MPZL3: variants seen among roughly 807,000 people sequenced by gnomAD.
The protein encoded by MPZL3 is myelin protein zero-like protein 3.
In MPZL3, 23 loss-of-function variants were observed where a neutral mutation model predicts 24.8. The ratio of observed to expected loss-of-function variants is 0.93; its 90% CI spans 0.67 to 1.31. The LOEUF (loss-of-function observed/expected upper bound fraction) is 1.31, where lower values mean the gene tolerates loss of function less well. MPZL3 is among the 40% of genes most tolerant of loss of function. The pLI is 0.00. For synonymous variants in MPZL3, 99 were observed against 106.5 expected (o/e 0.93, Z 0.44); for missense variants, 277 against 294.9 (o/e 0.94, Z 0.44).
intron 5 of MPZL3, among the ~76,000 whole-genome samples, chr11:118,231,919 C>A (rs760164654): frequency 1.1e-4 from 16 of 152,106 alleles, no homozygotes; most frequent in Non-Finnish European, 1.6e-4. Flanking sequence ...TGCTCGTTAC[C>A]ACCCATTCTC....
chr11:118,227,345 A>C lies in MPZL3; in HGVS notation c.*2549T>G. 1 of 152,232 alleles carries C rather than the reference A, an allele frequency of 6.6e-6. No individual in the cohort carries two copies. Among genetic ancestry groups the C allele is most frequent in the East Asian group, 1.9e-4 (1 of 5,202 alleles). The allele number at this position is 152,232 out of a possible 1,614,324, so 9.4% of individuals were successfully genotyped here. On this transcript the variant is annotated 3_prime_UTR_variant, in exon 6 of 6. Coordinates refer to ENST00000278949, the MANE Select transcript of MPZL3 (RefSeq NM_198275.3). ...CTCATGAGGTAGCAAAAAGAGAGAG[A>C]GAATAGCACCTTAGAAGTTACTCAA...
At chr11:118,250,416 G>A (rs1008380704) in intron 1 of MPZL3, among the ~76,000 whole-genome samples, 1 of 151,950 alleles carries the variant, frequency 6.6e-6, no homozygotes, top group Non-Finnish European at 1.5e-5. Context: ...GATTGTTAAT[G>A]GGTATCAAGT....
At chr11:118,248,693 T>A (rs945280989) in intron 1 of MPZL3, among the ~76,000 whole-genome samples, 2 of 152,298 alleles carry the variant, frequency 1.3e-5, no homozygotes, top group South Asian at 4.1e-4. Context: ...TACAGTCTTA[T>A]ATAAAACTCT....
At chr11:118,250,837 G>A (rs537865564) in intron 1 of MPZL3, among the ~76,000 whole-genome samples, 11 of 151,878 alleles carry the variant, frequency 7.2e-5, no homozygotes, top group Admixed American at 2.0e-4. Flanking sequence ...CAGCTGCCTC[G>A]GTCTCCCAAA....
chr11:118,231,981 T>C (rs1271792916), intron 5 of MPZL3, among the ~76,000 whole-genome samples: 1 of 152,220 alleles, frequency 6.6e-6, no homozygotes, highest in Non-Finnish European at 1.5e-5. Flanking sequence ...TGATACTGCT[T>C]CTCTTCCCAA....
chr11:118,240,747 AC>A (rs1949485876), intron 1 of MPZL3, among the ~76,000 whole-genome samples: 2 of 135,110 alleles, frequency 1.5e-5, no homozygotes, highest in African/African-American at 3.5e-5. Flanking sequence ...ACACACACAC[AC>A]ACACACACAC....
At chr11:118,248,070 CTTT>C (rs60335848) in intron 1 of MPZL3, among the ~76,000 whole-genome samples, 5 of 99,018 alleles carry the variant, frequency 5.0e-5, no homozygotes, top group East Asian at 7.3e-4. Context: ...ACAGTTTCCT[CTTT>C]TTTTTTTTTT....
At chr11:118,247,045 A>C (rs1169749937) in intron 1 of MPZL3, among the ~76,000 whole-genome samples, 1 of 152,130 alleles carries the variant, frequency 6.6e-6, no homozygotes, top group Non-Finnish European at 1.5e-5. Context: ...CTGTTGTTAG[A>C]GGGATACAGG....
chr11:118,237,700 A>C (rs1412176509), intron 2 of MPZL3, among the ~76,000 whole-genome samples: 1 of 152,184 alleles, frequency 6.6e-6, no homozygotes, highest in African/African-American at 2.4e-5. Flanking sequence ...AACAGTGCCA[A>C]AGTTGGGAAA....
rs980531855 is a variant in MPZL3, at chr11:118,228,277, A to G, written c.*1617T>C. The G allele has an allele frequency of 6.6e-6, 1 of 152,234 alleles. No individual in the cohort carries two copies. Among genetic ancestry groups the G allele is most frequent in the Non-Finnish European group, 1.5e-5 (1 of 68,040 alleles). The allele number at this position is 152,234 out of a possible 1,614,324, so 9.4% of individuals were successfully genotyped here. A position where few individuals can be genotyped will look rare whatever the true frequency, so the allele number is the denominator to read the frequency against. ...GAGAGAGAAAAGTGATTTTTAAACT[A>G]ACATATACAGTCTGAAGCGCTGTAA... On this transcript the variant is annotated 3_prime_UTR_variant, in exon 6 of 6. Transcript: ENST00000278949.
intron 2 of MPZL3, 110 bp from the exon 3 acceptor site, chr11:118,237,370 C>G (rs1949440052): frequency 2.1e-6 from 2 of 950,030 alleles, no homozygotes; most frequent in African/African-American, 3.3e-5. Context: ...TGTTTTTTTT[C>G]AGTTGGGCAA....
rs1949476453 is a variant in MPZL3 at position 118,240,266 on chromosome 11, T to C, written c.185A>G (p.Asp62Gly). The C allele has an allele frequency of 6.2e-7, 1 of 1,604,718 alleles. No individual in the cohort carries two copies. Among genetic ancestry groups the C allele is most frequent in the East Asian group, 2.3e-5 (1 of 44,096 alleles). Residue 62 changes from aspartate to glycine, a missense_variant, in exon 2 of 6, where the codon GAC becomes GGC. Coordinates refer to ENST00000278949, the MANE Select transcript of MPZL3 (RefSeq NM_198275.3). ...CTFKSTSDVT[D>G]KLTIDWTYRP... ...ATATGTCCAGTCTATAGTAAGTTTG[T>C]CAGTGACATCTGAAGTTGACTTGAA...
At chr11:118,249,071 C>T (rs1220150792) in intron 1 of MPZL3, among the ~76,000 whole-genome samples, 2 of 152,036 alleles carry the variant, frequency 1.3e-5, no homozygotes, top group East Asian at 3.9e-4. Context: ...GAGACAGAGT[C>T]TCACTCTGTC....
At chr11:118,252,148 C>A (rs1267913765) in intron 1 of MPZL3, 74 bp downstream of exon 1, 1 of 1,528,340 alleles carries the variant, frequency 6.5e-7, no homozygotes, top group Admixed American at 1.7e-5. Context: ...GACCCCCCTA[C>A]CCGGAACCGG....
At position 118,229,655 on chromosome 11, in the gene MPZL3, C is replaced by A. The variant is rs535446227; in HGVS notation, c.*239G>T. The A allele has an allele frequency of 3.6e-5, 15 of 415,754 alleles. No homozygotes were observed. Among genetic ancestry groups the A allele is most frequent in the Non-Finnish European group, 5.6e-5 (13 of 233,446 alleles). 25.8% of individuals were successfully genotyped at this position (415,754 alleles called of 1,614,324 possible). A position where few individuals can be genotyped will look rare whatever the true frequency, so the allele number is the denominator to read the frequency against. ...AAAGAATTTCTTCATTCAATTACAG[C>A]ATAATTCATTGAAAGGGGAAGTCAT... On this transcript the variant is annotated 3_prime_UTR_variant, in exon 6 of 6. Transcript: ENST00000278949.
intron 4 of MPZL3, among the ~76,000 whole-genome samples, chr11:118,234,441 A>G (rs1565491945): frequency 6.6e-6 from 1 of 152,128 alleles, no homozygotes. Flanking sequence ...AGAGAAGGAA[A>G]GAGGGCATTC....
intron 3 of MPZL3, among the ~76,000 whole-genome samples, chr11:118,235,984 A>G (rs1308337178): frequency 1.8e-4 from 27 of 152,198 alleles, no homozygotes; most frequent in Admixed American, 1.8e-3. Context: ...ACATTGAATA[A>G]TTTATAGAAC....
rs373485642 is a variant in MPZL3, at chr11:118,235,600, A to G, written c.452-11T>C. The stretch of plus-strand genomic sequence containing the variant: ...GCATGGTGCCAAAACCTAGAGGCGG[A>G]GAAAGAGAAGGTAAAAGACAGGGAC... On this transcript the variant is annotated splice_polypyrimidine_tract_variant and intron_variant, in intron 3 of 5. Coordinates refer to ENST00000278949, the MANE Select transcript of MPZL3 (RefSeq NM_198275.3). 29 of 1,612,484 alleles carry G rather than the reference A, an allele frequency of 1.8e-5. No individual in the cohort carries two copies. The African/African-American group carries it at 3.5e-4, about 19-fold the overall frequency.
chr11:118,237,182 A>G lies in MPZL3; in HGVS notation c.319T>C (p.Tyr107His). Reference protein sequence around the residue: ...RDRISWVGNVYKGDASISISN... With the variant: ...RDRISWVGNVHKGDASISISN... ...ATACTTATAGATGCATCCCCTTTGT[A>G]TACATTTCCAACCCAGGAAATCCGA... Residue 107 changes from tyrosine (Y) to histidine (H), a missense_variant, in exon 3 of 6, where the codon TAC (tyrosine) becomes CAC (histidine). Physicochemically the swap from Tyr to His is moderately conservative, Grantham distance 83. Coordinates refer to ENST00000278949, the MANE Select transcript of MPZL3 (RefSeq NM_198275.3). 2 of 1,614,102 alleles carry G rather than the reference A, an allele frequency of 1.2e-6. No individual in the cohort carries two copies. The highest frequency in any genetic ancestry group is 1.1e-5 in the South Asian group (1 of 91,092).
Sources: allele counts gnomAD v4.1 joint callset (sites outside exome capture counted in the v4.1 genomes callset), GRCh38; gene constraint gnomAD v4.1.1; transcripts MANE v1.5; gene names NCBI Gene and HGNC (gene_info 2026-07-23, HGNC 2026-07-21).